NKAIN2: variants seen among roughly 807,000 people sequenced by gnomAD.
NKAIN2 encodes sodium/potassium transporting ATPase interacting 2.
Under a neutral mutation model 32.6 loss-of-function variants are expected in NKAIN2, and 14 were observed. That is an observed-to-expected ratio of 0.43 (90% CI 0.28 to 0.67). The LOEUF (loss-of-function observed/expected upper bound fraction) is 0.67. NKAIN2 is among the 30% of genes least tolerant of loss of function. The pLI, the probability that NKAIN2 is intolerant of heterozygous loss-of-function variation, is 0.17. For missense variants in NKAIN2, 198 were observed against 258.3 expected (o/e 0.77, Z 1.60); for synonymous variants, 80 against 87.2 (o/e 0.92, Z 0.46).
chr6:124,281,602 G>A (rs1182974949), intron 1 of NKAIN2, among the ~76,000 whole-genome samples: 1 of 152,016 alleles, frequency 6.6e-6, no homozygotes, highest in Non-Finnish European at 1.5e-5. Flanking sequence ...TTTTAATTAT[G>A]GCGAAGATGC....
chr6:124,066,987 G>A (rs897159111), intron 1 of NKAIN2, among the ~76,000 whole-genome samples: 9 of 151,952 alleles, frequency 5.9e-5, no homozygotes, highest in African/African-American at 2.2e-4. Flanking sequence ...GCTTTCTTAG[G>A]CCAGAAGAGA....
chr6:124,314,132 T>A (rs561614853), intron 2 of NKAIN2, among the ~76,000 whole-genome samples: 24 of 152,092 alleles, frequency 1.6e-4, no homozygotes, highest in Non-Finnish European at 3.1e-4. Context: ...GGCCACCCTC[T>A]TTTTAGAATA....
At chr6:124,407,540 GC>G (rs1463409587) in intron 3 of NKAIN2, among the ~76,000 whole-genome samples, 1 of 151,938 alleles carries the variant, frequency 6.6e-6, no homozygotes, top group African/African-American at 2.4e-5. Flanking sequence ...ATTTTTTATG[GC>G]TTCATAGTAT....
At chr6:124,658,588 G>A (rs955921558) in intron 4 of NKAIN2, 26 of 1,264,878 alleles carry the variant, frequency 2.1e-5, no homozygotes, top group Non-Finnish European at 2.7e-5. Context: ...TCGACAATTA[G>A]TAAATACCCT....
At chr6:123,859,474 T>C (rs897716330) in intron 1 of NKAIN2, among the ~76,000 whole-genome samples, 3 of 152,010 alleles carry the variant, frequency 2.0e-5, no homozygotes, top group Non-Finnish European at 4.4e-5. Context: ...TCCCTGGACT[T>C]GTAAGTTGCA....
intron 1 of NKAIN2, among the ~76,000 whole-genome samples, chr6:124,075,497 A>G (rs898469483): frequency 6.6e-6 from 1 of 152,224 alleles, no homozygotes; most frequent in African/African-American, 2.4e-5. Context: ...ATGCATTTCA[A>G]GATCTGCAAT....
intron 4 of NKAIN2, among the ~76,000 whole-genome samples, chr6:124,680,336 T>C (rs1343684572): frequency 6.6e-6 from 1 of 152,170 alleles, no homozygotes; most frequent in Non-Finnish European, 1.5e-5. Flanking sequence ...AGAATCAGTA[T>C]ATATCTATGA....
chr6:124,353,272 T>C (rs145696710), intron 2 of NKAIN2, among the ~76,000 whole-genome samples: 1,724 of 152,268 alleles, frequency 0.011, 36 homozygotes, highest in African/African-American at 0.038. Flanking sequence ...GGAGAAAATA[T>C]GCAAATAATC....
At chr6:123,850,594 T>C (rs12207438) in intron 1 of NKAIN2, among the ~76,000 whole-genome samples, 81,555 of 151,964 alleles carry the variant, frequency 0.54, 22,302 homozygotes, top group East Asian at 0.76. Context: ...TGTTTCACTT[T>C]GTAATTTTAT....
At chr6:123,980,660 A>G (rs1346158378) in intron 1 of NKAIN2, among the ~76,000 whole-genome samples, 1 of 152,134 alleles carries the variant, frequency 6.6e-6, no homozygotes, top group African/African-American at 2.4e-5. Context: ...TTTGAATACT[A>G]AAATGAATGT....
intron 1 of NKAIN2, among the ~76,000 whole-genome samples, chr6:124,018,962 T>C (rs760586132): frequency 6.8e-4 from 104 of 152,274 alleles, no homozygotes; most frequent in Admixed American, 1.6e-3. Context: ...AGAGGTTTAA[T>C]GGATTCACAG....
chr6:123,997,917 T>A (rs1287584753), intron 1 of NKAIN2, among the ~76,000 whole-genome samples: 1 of 152,118 alleles, frequency 6.6e-6, no homozygotes, highest in Admixed American at 6.5e-5. Flanking sequence ...TTATTGTTAT[T>A]TGTTAAAAGA....
chr6:124,736,226 A>C (rs1418294613), intron 4 of NKAIN2, among the ~76,000 whole-genome samples: 1 of 151,974 alleles, frequency 6.6e-6, no homozygotes, highest in African/African-American at 2.4e-5. Context: ...CTTCACTTGT[A>C]TGAAGGCTGA....
At chr6:124,327,623 G>T (rs1797475293) in intron 2 of NKAIN2, among the ~76,000 whole-genome samples, 1 of 152,196 alleles carries the variant, frequency 6.6e-6, no homozygotes, top group Admixed American at 6.5e-5. Flanking sequence ...AGTTGTTAGA[G>T]AATTGAAAGA....
intron 3 of NKAIN2, among the ~76,000 whole-genome samples, chr6:124,626,146 C>T (rs1355775796): frequency 7.4e-6 from 1 of 134,916 alleles, no homozygotes; most frequent in African/African-American, 2.8e-5. Context: ...GTATTTGTAT[C>T]ACCACTTTAA....
In NKAIN2 at chr6:124,726,857, C is replaced by G. The variant is rs1475801523; in HGVS notation, c.475-64482C>G. 5.6e-5 allele frequency among the ~76,000 whole-genome samples: 7 copies of G among 124,064 alleles called. 1 individual carries two copies. Among genetic ancestry groups the G allele is most frequent in the African/African-American group, 2.1e-4 (7 of 32,792 alleles). The allele number at this position is 124,064 out of a possible 152,430, so 81.4% of individuals were successfully genotyped here. A position where few individuals can be genotyped will look rare whatever the true frequency, so the allele number is the denominator to read the frequency against. ...CTAGAATAACCAATACAGAGAAGTG[C>G]TTAAAGGAGCTGATGGAGCTGAAAA... On this transcript the variant is annotated intron_variant, in intron 4 of 6. Coordinates refer to ENST00000368417, the MANE Select transcript of NKAIN2 (RefSeq NM_001040214.3).
chr6:124,727,876 AC>A (rs1472524299), intron 4 of NKAIN2, among the ~76,000 whole-genome samples: 34 of 148,870 alleles, frequency 2.3e-4, no homozygotes, highest in African/African-American at 8.2e-4. Context: ...TACCAAGCAA[AC>A]GGAAAACAAA....
chr6:124,580,251 T>C (rs1327863634), intron 3 of NKAIN2, among the ~76,000 whole-genome samples: 1 of 152,158 alleles, frequency 6.6e-6, no homozygotes, highest in Admixed American at 6.5e-5. Context: ...GTAGAAAGAC[T>C]ATAAAGTAAG....
At chr6:124,433,902 G>T (rs1416426990) in intron 3 of NKAIN2, among the ~76,000 whole-genome samples, 1 of 152,140 alleles carries the variant, frequency 6.6e-6, no homozygotes, top group African/African-American at 2.4e-5. Flanking sequence ...TGCTGCTCCG[G>T]CTGGTGGTAT....
Sources: gnomAD v4.1 joint callset for allele counts (sites outside exome capture counted in the v4.1 genomes callset) on GRCh38, gnomAD v4.1.1 for gene constraint, MANE v1.5 for transcripts, NCBI Gene and HGNC (gene_info 2026-07-23, HGNC 2026-07-21) for gene names.